The following PHYHIPL variants were observed in gnomAD, a reference collection of about 807,000 sequenced individuals.
PHYHIPL encodes phytanoyl-CoA 2-hydroxylase interacting protein like.
A neutral mutation model predicts 33.4 loss-of-function variants in PHYHIPL; 9 were observed. The ratio of observed to expected loss-of-function variants is 0.27; its 90% CI spans 0.16 to 0.47. PHYHIPL has a LOEUF of 0.47. Ranked by LOEUF, PHYHIPL falls within the 20% of genes least tolerant of loss-of-function variation. PHYHIPL has a pLI of 0.99. For synonymous variants in PHYHIPL, 153 were observed against 154.1 expected (o/e 0.99, Z 0.05); for missense variants, 365 against 460.7 (o/e 0.79, Z 1.90).
intron 1 of PHYHIPL, among the ~76,000 whole-genome samples, chr10:59,201,386 C>T (rs1839109497): frequency 6.6e-6 from 1 of 152,150 alleles, no homozygotes; most frequent in African/African-American, 2.4e-5. Flanking sequence ...GTTTCTTAAT[C>T]CTGAGTTCTA....
At chr10:59,179,712 A>G (rs1218966108) in intron 1 of PHYHIPL, among the ~76,000 whole-genome samples, 6 of 151,966 alleles carry the variant, frequency 3.9e-5, no homozygotes, top group Non-Finnish European at 5.9e-5. Context: ...TTTTCCTATG[A>G]ATTGATGATT....
At chr10:59,183,466 T>C (rs1260014419) in intron 1 of PHYHIPL, among the ~76,000 whole-genome samples, 2 of 152,128 alleles carry the variant, frequency 1.3e-5, no homozygotes, top group East Asian at 1.9e-4. Flanking sequence ...AAACATATAT[T>C]CCACTAGGGA....
intron 1 of PHYHIPL, among the ~76,000 whole-genome samples, chr10:59,186,769 G>C (rs1838618433): frequency 6.6e-6 from 1 of 152,126 alleles, no homozygotes; most frequent in Non-Finnish European, 1.5e-5. Context: ...CTGTTTGTCT[G>C]TTATTGGTGT....
At chr10:59,175,104 G>A (rs1412964756), upstream of PHYHIPL, among the ~76,000 whole-genome samples, 1 of 152,096 alleles carries the variant, frequency 6.6e-6, no homozygotes, top group African/African-American at 2.4e-5. Context: ...ACAGAGCCAG[G>A]CTTTCGAACA....
At chr10:59,222,360 C>T (rs916872805) in intron 1 of PHYHIPL, among the ~76,000 whole-genome samples, 7 of 151,676 alleles carry the variant, frequency 4.6e-5, no homozygotes, top group Admixed American at 2.0e-4. Context: ...ATTCAGAAAG[C>T]GGGGCTTAAG....
chr10:59,177,808 G>GTACA (rs1278543327), intron 1 of PHYHIPL, among the ~76,000 whole-genome samples: 25 of 152,142 alleles, frequency 1.6e-4, no homozygotes, highest in Middle Eastern at 6.4e-3. Flanking sequence ...TAGTAATGTG[G>GTACA]TACAAAACTT....
At chr10:59,242,710 C>CAAAG (rs1840445659) in intron 4 of PHYHIPL, among the ~76,000 whole-genome samples, 1 of 151,920 alleles carries the variant, frequency 6.6e-6, no homozygotes, top group Non-Finnish European at 1.5e-5. Context: ...ATAGAAGATA[C>CAAAG]AAAGAATTAA....
intron 4 of PHYHIPL, 68 bp from the exon 5 acceptor site, chr10:59,244,989 T>C: frequency 6.7e-7 from 1 of 1,502,074 alleles, no homozygotes; most frequent in Non-Finnish European, 8.9e-7. Context: ...TTTTAGGCCA[T>C]TCAAATATAT....
intron 1 of PHYHIPL, among the ~76,000 whole-genome samples, chr10:59,227,655 T>C (rs964060040): frequency 6.6e-6 from 1 of 152,110 alleles, no homozygotes; most frequent in Non-Finnish European, 1.5e-5. Context: ...CATCAAGATA[T>C]GTAAAGCAAA....
chr10:59,234,325 G>T lies in PHYHIPL; in HGVS notation c.128G>T (p.Gly43Val). 1 of 1,591,594 alleles carries T rather than the reference G, an allele frequency of 6.3e-7. No homozygotes were observed. The highest frequency in any genetic ancestry group is 8.5e-7 in the Non-Finnish European group (1 of 1,172,558). ...GCAGGGAACAAATCACAAGACAGTG[G>T]CATAGCAGAGATGGAAGAACTTCCT... Reference protein sequence around the residue: ...DRDGNKSQDSGIAEMEELPVP... With the variant: ...DRDGNKSQDSVIAEMEELPVP... The change falls in exon 2 of 5, where the codon GGC (glycine) becomes GTC (valine). Residue 43 changes from glycine to valine, a missense_variant. This residue lies in a region of PHYHIPL where 89 missense variants were observed against 78.3 expected (regional missense o/e 1.14). Coordinates refer to ENST00000373880, the MANE Select transcript of PHYHIPL (RefSeq NM_032439.4).
chr10:59,245,449 T>C lies in PHYHIPL; in HGVS notation c.989T>C (p.Leu330Ser), dbSNP rs1840622440. The C allele has an allele frequency of 6.2e-7, 1 of 1,614,090 alleles. No individual in the cohort carries two copies. The highest frequency in any genetic ancestry group is 1.3e-5 in the African/African-American group (1 of 74,932). The change falls in exon 5 of 5, where the codon TTA (leucine) becomes TCA (serine). Residue 330 changes from leucine to serine, a missense_variant. Leu to Ser is a moderately radical substitution (Grantham distance 145). Coordinates refer to ENST00000373880, the MANE Select transcript of PHYHIPL (RefSeq NM_032439.4). Reference sequence around the variant, plus strand: ...TACCACCATGCCCAGGATGTCATTTTAGAAGTCATTTACACTGACCCTGTG... The same window carrying C: ...TACCACCATGCCCAGGATGTCATTTCAGAAGTCATTTACACTGACCCTGTG... ...LVYHHAQDVI[L>S]EVIYTDPVDL...
At position 59,245,695 on chromosome 10, in the gene PHYHIPL, A is replaced by C. The variant is rs562408771; in HGVS notation, c.*104A>C. ...AGATGTTTTCCACTGAAGCATGCAC[A>C]TGCCACTGTCACCAAAACAAACAAC... On this transcript the variant is annotated 3_prime_UTR_variant, in exon 5 of 5. Transcript: ENST00000373880. 7.9e-7 allele frequency: 1 copy of C among 1,267,020 alleles called. No homozygotes were observed. The highest frequency in any genetic ancestry group is 1.1e-6 in the Non-Finnish European group (1 of 925,992). 78.5% of individuals were successfully genotyped at this position (1,267,020 alleles called of 1,614,324 possible).
chr10:59,177,691 A>G, intron 1 of PHYHIPL: 1 of 1,487,954 alleles, frequency 6.7e-7, no homozygotes, highest in East Asian at 2.5e-5. Flanking sequence ...GTGGAAGGAA[A>G]TTGATTGAAT....
intron 1 of PHYHIPL, among the ~76,000 whole-genome samples, chr10:59,185,555 G>A (rs926411397): frequency 1.3e-5 from 2 of 152,174 alleles, no homozygotes; most frequent in African/African-American, 4.8e-5. Flanking sequence ...CTTCCACAAT[G>A]GTTGAACTAG....
chr10:59,225,767 A>G (rs147495500), intron 1 of PHYHIPL, among the ~76,000 whole-genome samples: 42 of 152,320 alleles, frequency 2.8e-4, no homozygotes, highest in African/African-American at 9.9e-4. Flanking sequence ...ACCCCTTCAG[A>G]TTAAAATCTA....
At chr10:59,188,228 G>A (rs1466212162) in intron 1 of PHYHIPL, among the ~76,000 whole-genome samples, 1 of 152,132 alleles carries the variant, frequency 6.6e-6, no homozygotes, top group Non-Finnish European at 1.5e-5. Flanking sequence ...TATGTACCCG[G>A]TAGTCATTCA....
At chr10:59,177,369 A>G in intron 1 of PHYHIPL, 2 of 1,114,488 alleles carry the variant, frequency 1.8e-6, no homozygotes, top group Non-Finnish European at 1.2e-6. Flanking sequence ...ACACACACAC[A>G]CTAGTTGGCA....
At chr10:59,232,638 G>A (rs1346959014) in intron 1 of PHYHIPL, among the ~76,000 whole-genome samples, 1 of 151,848 alleles carries the variant, frequency 6.6e-6, no homozygotes, top group Non-Finnish European at 1.5e-5. Context: ...TGAATCAAAT[G>A]CAAAATAGCT....
chr10:59,223,018 C>T (rs1769916202), intron 1 of PHYHIPL, among the ~76,000 whole-genome samples: 1 of 152,134 alleles, frequency 6.6e-6, no homozygotes, highest in South Asian at 2.1e-4. Context: ...GCTAGAATTC[C>T]AACCCATGTC....
Sources: gnomAD v4.1 joint callset for allele counts (sites outside exome capture counted in the v4.1 genomes callset) on GRCh38, gnomAD v4.1.1 for gene constraint, gnomAD v4.1.1 regional missense constraint, MANE v1.5 for transcripts, NCBI Gene and HGNC (gene_info 2026-07-23, HGNC 2026-07-21) for gene names.